The following ADAMTS12 variants were observed in gnomAD, a reference collection of about 807,000 sequenced individuals.
ADAMTS12 encodes the protein ADAM metallopeptidase with thrombospondin type 1 motif 12.
Under a neutral mutation model 167.8 loss-of-function variants are expected in ADAMTS12, and 118 were observed. That is an observed-to-expected ratio of 0.70 (90% CI 0.61 to 0.82). The LOEUF (loss-of-function observed/expected upper bound fraction) is 0.82. Among genes scored for constraint, ADAMTS12 ranks in the 40% least tolerant of loss-of-function variants. The pLI is 0.00. For missense variants in ADAMTS12, 1,916 were observed against 1,998.8 expected, an observed-to-expected ratio of 0.96 and a Z score of 0.79; for synonymous variants, 704 against 716.9, an observed-to-expected ratio of 0.98 and a Z score of 0.29.
intron 5 of ADAMTS12, among the ~76,000 whole-genome samples, chr5:33,680,927 C>A (rs1208818267): frequency 1.3e-5 from 2 of 152,186 alleles, no homozygotes; most frequent in Non-Finnish European, 2.9e-5. Context: ...GGACATAAAT[C>A]ATTTTCACCT....
At chr5:33,744,990 A>T (rs3966166) in intron 3 of ADAMTS12, among the ~76,000 whole-genome samples, 97,390 of 151,510 alleles carry the variant, frequency 0.64, 32,659 homozygotes, top group Non-Finnish European at 0.75. Flanking sequence ...ATTAAAAAAA[A>T]TTTTTTTGGT....
chr5:33,684,137 C>T, intron 3 of ADAMTS12, 82 bp from the exon 4 acceptor site: 1 of 1,068,492 alleles, frequency 9.4e-7, no homozygotes, highest in East Asian at 3.1e-5. Context: ...GATGCAAGGC[C>T]ATAAGTTTAA....
At chr5:33,532,986 A>G (rs986180262) in intron 23 of ADAMTS12, among the ~76,000 whole-genome samples, 2 of 152,220 alleles carry the variant, frequency 1.3e-5, no homozygotes, top group Non-Finnish European at 2.9e-5. Context: ...GTGAGTAGGC[A>G]TGGCTCTGCC....
chr5:33,876,838 G>A (rs906253758), intron 2 of ADAMTS12, among the ~76,000 whole-genome samples: 2 of 152,178 alleles, frequency 1.3e-5, no homozygotes, highest in African/African-American at 4.8e-5. Context: ...TTTGCAAGAT[G>A]TTGCCATCAG....
At chr5:33,830,151 G>A (rs1006679018) in intron 2 of ADAMTS12, among the ~76,000 whole-genome samples, 3 of 152,072 alleles carry the variant, frequency 2.0e-5, no homozygotes, top group Admixed American at 2.0e-4. Context: ...AGAAATGATG[G>A]GACAACTTTG....
intron 16 of ADAMTS12, among the ~76,000 whole-genome samples, chr5:33,611,291 T>C (rs912286182): frequency 6.6e-6 from 1 of 151,642 alleles, no homozygotes; most frequent in African/African-American, 2.4e-5. Flanking sequence ...GGGGAAAAAG[T>C]GAAGGAAGTG....
intron 2 of ADAMTS12, among the ~76,000 whole-genome samples, chr5:33,811,672 C>T (rs1747467213): frequency 1.3e-5 from 2 of 152,190 alleles, no homozygotes; most frequent in African/African-American, 4.8e-5. Context: ...TTGACTTTTA[C>T]TCTGAGTGAG....
intron 3 of ADAMTS12, among the ~76,000 whole-genome samples, chr5:33,726,566 A>G (rs2112344661): frequency 6.6e-6 from 1 of 152,356 alleles, no homozygotes; most frequent in Admixed American, 6.5e-5. Context: ...AGAAAAGGAA[A>G]GCAAGTACAG....
rs541574795 is a variant in ADAMTS12, at chr5:33,598,435, G to A, written c.2528-2375C>T. ...AAAAGAAAACAAATAGAATCCAAGC[G>A]TCCTGAGTTCTAGTCCCTACTTTTC... On this transcript the variant is annotated intron_variant, in intron 16 of 23. Coordinates refer to ENST00000504830, the MANE Select transcript of ADAMTS12 (RefSeq NM_030955.4). 7.9e-5 allele frequency among the ~76,000 whole-genome samples: 12 copies of A among 152,244 alleles called. No homozygotes were observed. In the East Asian group the frequency reaches 1.7e-3, roughly 22 times the overall value.
At chr5:33,557,904 C>T (rs1031481187) in intron 20 of ADAMTS12, among the ~76,000 whole-genome samples, 2 of 152,004 alleles carry the variant, frequency 1.3e-5, no homozygotes, top group African/African-American at 2.4e-5. Flanking sequence ...GATGCAAAGC[C>T]TATTGTGAAC....
At chr5:33,534,705 T>A in intron 23 of ADAMTS12, 128 bp downstream of exon 23, 3 of 1,260,904 alleles carry the variant, frequency 2.4e-6, no homozygotes, top group Non-Finnish European at 3.2e-6. Context: ...CCAGGGTTAC[T>A]GGTTGACCTC....
chr5:33,589,353 T>C (rs926799948), intron 17 of ADAMTS12, among the ~76,000 whole-genome samples: 1 of 152,314 alleles, frequency 6.6e-6, no homozygotes, highest in Non-Finnish European at 1.5e-5. Flanking sequence ...GAATGTAAAG[T>C]AGCTACTTAA....
chr5:33,570,139 C>T (rs990708639), intron 19 of ADAMTS12, among the ~76,000 whole-genome samples: 36 of 152,270 alleles, frequency 2.4e-4, no homozygotes, highest in African/African-American at 7.5e-4. Context: ...ATGAAAGTGA[C>T]GGGGAGAATG....
At chr5:33,562,933 T>C (rs1343092581) in intron 19 of ADAMTS12, among the ~76,000 whole-genome samples, 1 of 152,150 alleles carries the variant, frequency 6.6e-6, no homozygotes, top group Non-Finnish European at 1.5e-5. Flanking sequence ...CGCCTGGCCT[T>C]CACTCTCCAT....
At position 33,881,199 on chromosome 5, in the gene ADAMTS12, G is replaced by T. The variant is rs879043287; in HGVS notation, c.409C>A (p.Pro137Thr). 1 of 1,614,158 alleles carries T rather than the reference G, an allele frequency of 6.2e-7. No homozygotes were observed. The highest frequency in any genetic ancestry group is 8.5e-7 in the Non-Finnish European group (1 of 1,180,042). ...ACCGTGCCACTGAGATGGCAGAGGG[G>T]GGCAGAGGAAGCCATCATCTTAACA... ...SHVKMMASSAPLCHLSGTVLQ... is the reference protein window; with the variant it reads ...SHVKMMASSATLCHLSGTVLQ... The change falls in exon 2 of 24, where the codon CCC becomes ACC. Residue 137 changes from proline (P) to threonine (T), a missense_variant. Coordinates refer to ENST00000504830, the MANE Select transcript of ADAMTS12 (RefSeq NM_030955.4).
intron 6 of ADAMTS12, 37 bp from the exon 7 acceptor site, chr5:33,658,370 G>T (rs1157504343): frequency 1.9e-6 from 3 of 1,601,024 alleles, no homozygotes. Flanking sequence ...GGCGCCCAAA[G>T]GAACATCTGG....
At chr5:33,618,938 C>T (rs1255929694) in intron 14 of ADAMTS12, among the ~76,000 whole-genome samples, 1 of 152,162 alleles carries the variant, frequency 6.6e-6, no homozygotes, top group Non-Finnish European at 1.5e-5. Context: ...CGTTCTCTTC[C>T]ATAATGTTGA....
intron 3 of ADAMTS12, among the ~76,000 whole-genome samples, chr5:33,734,046 G>C (rs1002440128): frequency 1.4e-5 from 2 of 141,184 alleles, no homozygotes; most frequent in African/African-American, 2.8e-5. Flanking sequence ...CACACACACA[G>C]AGTAAGCTCT....
intron 3 of ADAMTS12, among the ~76,000 whole-genome samples, chr5:33,719,573 G>A (rs1743737641): frequency 6.6e-6 from 1 of 152,210 alleles, no homozygotes; most frequent in Admixed American, 6.5e-5. Flanking sequence ...GCTGTCCAAT[G>A]AGTGTCTATT....
Sources: gnomAD v4.1 joint callset for allele counts (sites outside exome capture counted in the v4.1 genomes callset) on GRCh38, gnomAD v4.1.1 for gene constraint, MANE v1.5 for transcripts, NCBI Gene and HGNC (gene_info 2026-07-23, HGNC 2026-07-21) for gene names.